Variants in PDE11A observed in about 807,000 individuals in gnomAD.
PDE11A encodes the protein dual 3',5'-cyclic-AMP and -GMP phosphodiesterase 11A.
Under a neutral mutation model 100.5 loss-of-function variants are expected in PDE11A, and 100 were observed. The ratio of observed to expected loss-of-function variants is 1.00; its 90% CI spans 0.85 to 1.18. PDE11A has a LOEUF of 1.18. Ranked by LOEUF, PDE11A falls within the 50% of genes most tolerant of loss-of-function variation. The pLI, the probability that PDE11A is intolerant of heterozygous loss-of-function variation, is 0.00. For missense variants in PDE11A, 1,141 were observed against 1,152.6 expected, an observed-to-expected ratio of 0.99 and a Z score of 0.15; for synonymous variants, 381 against 420.8, an observed-to-expected ratio of 0.91 and a Z score of 1.16.
chr2:178,090,829 T>A (rs1022286508), intron 2 of PDE11A, among the ~76,000 whole-genome samples: 3 of 152,174 alleles, frequency 2.0e-5, no homozygotes, highest in African/African-American at 7.2e-5. Flanking sequence ...AGGGAGAGAA[T>A]AACAAGCTCA....
intron 9 of PDE11A, among the ~76,000 whole-genome samples, chr2:177,795,935 CTA>C (rs55861102): frequency 0.012 from 828 of 67,114 alleles, 8 homozygotes; most frequent in African/African-American, 0.019. Flanking sequence ...TTTGTTTAAA[CTA>C]TATATATATA....
At chr2:177,806,001 T>C (rs1380763768) in intron 9 of PDE11A, among the ~76,000 whole-genome samples, 1 of 152,206 alleles carries the variant, frequency 6.6e-6, no homozygotes, top group African/African-American at 2.4e-5. Context: ...ATTGGTTACA[T>C]AGTGGAGAGA....
chr2:178,013,645 C>T (rs976151471), intron 2 of PDE11A, among the ~76,000 whole-genome samples: 5 of 152,082 alleles, frequency 3.3e-5, no homozygotes, highest in African/African-American at 1.2e-4. Flanking sequence ...AAATATTCAA[C>T]CAGATTTTAT....
intron 1 of PDE11A, among the ~76,000 whole-genome samples, chr2:178,049,317 T>C (rs915560204): frequency 6.6e-6 from 1 of 152,134 alleles, no homozygotes; most frequent in African/African-American, 2.4e-5. Flanking sequence ...TAAAAGAAAG[T>C]AATCAAAGAT....
chr2:178,089,463 G>GTCTT (rs2087395482), intron 2 of PDE11A, among the ~76,000 whole-genome samples: 1 of 152,216 alleles, frequency 6.6e-6, no homozygotes, highest in Non-Finnish European at 1.5e-5. Flanking sequence ...AGGTGTAAGA[G>GTCTT]ACAATTCTGG....
intron 19 of PDE11A, among the ~76,000 whole-genome samples, chr2:177,642,648 CTT>C (rs1466605358): frequency 6.6e-6 from 1 of 152,182 alleles, no homozygotes; most frequent in East Asian, 1.9e-4. Flanking sequence ...AGAGAAAACT[CTT>C]TAAATGGGGC....
intron 2 of PDE11A, chr2:177,952,987 C>T (rs1221100745): frequency 6.6e-6 from 1 of 152,118 alleles, no homozygotes; most frequent in Non-Finnish European, 1.5e-5. Flanking sequence ...ATTTGTCTTC[C>T]TGAAAAGCAG....
intron 19 of PDE11A, among the ~76,000 whole-genome samples, chr2:177,640,857 C>G (rs1348981154): frequency 1.3e-5 from 2 of 152,212 alleles, no homozygotes; most frequent in African/African-American, 2.4e-5. Flanking sequence ...TCTAGCTGTC[C>G]TACCCAGAAA....
At chr2:177,965,247 TCC>T (rs1393216995) in intron 2 of PDE11A, among the ~76,000 whole-genome samples, 1 of 152,190 alleles carries the variant, frequency 6.6e-6, no homozygotes, top group African/African-American at 2.4e-5. Flanking sequence ...TTGTTTAAGT[TCC>T]TTAAAGATTC....
At chr2:177,795,175 G>A (rs1309858718) in intron 9 of PDE11A, among the ~76,000 whole-genome samples, 1 of 152,176 alleles carries the variant, frequency 6.6e-6, no homozygotes, top group Non-Finnish European at 1.5e-5. Context: ...GTGAGGTTGG[G>A]AGATGGGTCT....
intron 2 of PDE11A, among the ~76,000 whole-genome samples, chr2:178,092,250 C>G (rs2087432414): frequency 6.6e-6 from 1 of 152,188 alleles, no homozygotes; most frequent in Non-Finnish European, 1.5e-5. Flanking sequence ...GTAGAGACTA[C>G]TGAACCACAA....
chr2:177,795,533 G>A (rs992367332), intron 9 of PDE11A, among the ~76,000 whole-genome samples: 1 of 152,052 alleles, frequency 6.6e-6, no homozygotes, highest in Non-Finnish European at 1.5e-5. Flanking sequence ...GAAGGGGGTG[G>A]GGGCTTTTAT....
intron 6 of PDE11A, among the ~76,000 whole-genome samples, chr2:177,833,831 A>G (rs2083347826): frequency 6.6e-6 from 1 of 152,248 alleles, no homozygotes; most frequent in African/African-American, 2.4e-5. Context: ...CAGATAGAGA[A>G]GGATCTCTGG....
intron 17 of PDE11A, among the ~76,000 whole-genome samples, chr2:177,670,566 C>T (rs2080663667): frequency 6.6e-6 from 1 of 152,156 alleles, no homozygotes; most frequent in Non-Finnish European, 1.5e-5. Flanking sequence ...CAGACAACTT[C>T]ATGGTAAGAG....
chr2:177,855,285 A>C (rs775972704), intron 5 of PDE11A, among the ~76,000 whole-genome samples: 9 of 152,198 alleles, frequency 5.9e-5, no homozygotes, highest in African/African-American at 1.9e-4. Context: ...AGAAAAAGTA[A>C]AGAGAAGAGG....
intron 10 of PDE11A, among the ~76,000 whole-genome samples, chr2:177,756,283 T>C (rs1246243343): frequency 1.3e-5 from 2 of 151,822 alleles, no homozygotes; most frequent in African/African-American, 2.4e-5. Flanking sequence ...AGAACCGGAG[T>C]AAAGCTGTTT....
chr2:177,996,562 T>C (rs2086078690), intron 2 of PDE11A, among the ~76,000 whole-genome samples: 1 of 151,864 alleles, frequency 6.6e-6, no homozygotes, highest in Non-Finnish European at 1.5e-5. Flanking sequence ...TAAGGGTCCG[T>C]ATTCAAAAGT....
intron 19 of PDE11A, among the ~76,000 whole-genome samples, chr2:177,651,078 T>A (rs1160768256): frequency 2.0e-5 from 3 of 152,192 alleles, no homozygotes; most frequent in Admixed American, 1.3e-4. Context: ...ACATCTGAAA[T>A]AAAAAGATCC....
intron 2 of PDE11A, among the ~76,000 whole-genome samples, chr2:177,914,945 C>T (rs1487483048): frequency 6.6e-6 from 1 of 152,092 alleles, no homozygotes; most frequent in African/African-American, 2.4e-5. Flanking sequence ...CCTTTTGTGT[C>T]TGGCTGCTTT....
Sources: gnomAD v4.1 joint callset for allele counts (sites outside exome capture counted in the v4.1 genomes callset) on GRCh38, gnomAD v4.1.1 for gene constraint, MANE v1.5 for transcripts, NCBI Gene and HGNC (gene_info 2026-07-23, HGNC 2026-07-21) for gene names.